Variants in MTRES1 observed in about 807,000 individuals in gnomAD.
MTRES1 encodes uncharacterized protein C6orf203.
A neutral mutation model predicts 17.4 loss-of-function variants in MTRES1; 11 were observed. The ratio of observed to expected loss-of-function variants is 0.63; its 90% confidence interval spans 0.40 to 1.05. MTRES1 has a LOEUF of 1.05. Among genes scored for constraint, MTRES1 ranks in the 50% least tolerant of loss-of-function variants. MTRES1 has a pLI of 0.00. For synonymous variants in MTRES1, 94 were observed against 99.6 expected (o/e 0.94, Z 0.34); for missense variants, 268 against 276.2 (o/e 0.97, Z 0.21).
chr6:107,049,247 T>C (rs565396519), intron 3 of MTRES1, among the ~76,000 whole-genome samples: 4 of 152,252 alleles, frequency 2.6e-5, no homozygotes, highest in South Asian at 2.1e-4. Context: ...AGTAGCCTTA[T>C]AAATGGCAAT....
chr6:107,030,148 G>T (rs1773788654), intron 1 of MTRES1: 1 of 718,460 alleles, frequency 1.4e-6, no homozygotes, highest in African/African-American at 1.7e-5. Context: ...TGTTGCTGAA[G>T]CTGAATTTGC....
At chr6:107,032,666 T>C (rs921359984) in intron 1 of MTRES1, among the ~76,000 whole-genome samples, 4 of 151,964 alleles carry the variant, frequency 2.6e-5, no homozygotes, top group Non-Finnish European at 5.9e-5. Flanking sequence ...AGCTGAGCAC[T>C]GCACACCAGC....
chr6:107,036,664 A>G (rs1166553953), intron 1 of MTRES1, among the ~76,000 whole-genome samples: 1 of 152,090 alleles, frequency 6.6e-6, no homozygotes, highest in Non-Finnish European at 1.5e-5. Context: ...TAACACGGTG[A>G]AACCCGTCTC....
At chr6:107,035,672 G>A (rs1416921777) in intron 1 of MTRES1, among the ~76,000 whole-genome samples, 4 of 151,990 alleles carry the variant, frequency 2.6e-5, no homozygotes, top group Non-Finnish European at 4.4e-5. Flanking sequence ...TTTTGAGATG[G>A]AGTTTCGCTC....
chr6:107,028,932 C>G lies in MTRES1; in HGVS notation c.-13+661C>G, dbSNP rs549360575. 31 of 959,340 alleles carry G rather than the reference C, an allele frequency of 3.2e-5. No individual in the cohort carries two copies. The South Asian group carries it at 1.3e-3, about 40-fold the overall frequency. 59.4% of individuals were successfully genotyped at this position (959,340 alleles called of 1,614,324 possible). ...AAAATGAACTTCCATCAGGTCACTT[C>G]CCAGGGTCCATCATTGCGTGTTCTT... On this transcript the variant is annotated intron_variant, in intron 1 of 3. Transcript: ENST00000311381.
chr6:107,048,683 G>T (rs1441649870), intron 3 of MTRES1, among the ~76,000 whole-genome samples: 1 of 150,900 alleles, frequency 6.6e-6, no homozygotes, highest in Non-Finnish European at 1.5e-5. Context: ...GGGAGGCTGA[G>T]GCAGGAGAAT....
intron 1 of MTRES1, among the ~76,000 whole-genome samples, chr6:107,029,251 G>A (rs1412845460): frequency 6.7e-6 from 1 of 149,996 alleles, no homozygotes; most frequent in Non-Finnish European, 1.5e-5. Flanking sequence ...GCAGTGGCGC[G>A]ATCTCTGCTC....
At chr6:107,041,173 C>A (rs773717010) in intron 2 of MTRES1, among the ~76,000 whole-genome samples, 2 of 149,352 alleles carry the variant, frequency 1.3e-5, no homozygotes, top group Non-Finnish European at 3.0e-5. Context: ...TGCAGTGAGC[C>A]GAGATCACGC....
intron 1 of MTRES1, among the ~76,000 whole-genome samples, chr6:107,031,608 AT>A (rs34148089): frequency 4.5e-4 from 64 of 143,068 alleles, no homozygotes; most frequent in African/African-American, 7.7e-4. Flanking sequence ...GTGCCCAGCT[AT>A]TTTTTTTTTT....
intron 2 of MTRES1, 53 bp downstream of exon 2, chr6:107,040,283 A>G (rs184796528): frequency 6.8e-7 from 1 of 1,478,184 alleles, no homozygotes; most frequent in East Asian, 2.3e-5. Context: ...TGTTATTTTA[A>G]TATAGCATTA....
At chr6:107,036,727 C>T (rs922146215) in intron 1 of MTRES1, among the ~76,000 whole-genome samples, 12 of 151,836 alleles carry the variant, frequency 7.9e-5, no homozygotes, top group Admixed American at 4.6e-4. Context: ...CCTGTAGTCC[C>T]AGCTACTCGG....
rs1554227543 is a variant in MTRES1 at position 107,040,225 on chromosome 6, G to A, written c.465G>A (p.Gly155=). Residue 155 remains glycine (G), a synonymous_variant, in exon 2 of 4, where the codon GGG becomes GGA. Coordinates refer to ENST00000311381, the MANE Select transcript of MTRES1 (RefSeq NM_016487.5). ...DVVLKTGLDI[G]RNKVEDAFYK... ...TCCTGAAGACGGGGCTAGATATTGG[G>A]AGAAAGTGAGTATGATACGCATTTC... The A allele has an allele frequency of 1.3e-6, 2 of 1,585,204 alleles. No individual in the cohort carries two copies. Among genetic ancestry groups the A allele is most frequent in the African/African-American group, 1.4e-5 (1 of 73,188 alleles).
intron 1 of MTRES1, among the ~76,000 whole-genome samples, chr6:107,035,398 G>T (rs111971532): frequency 0.027 from 4,040 of 151,978 alleles, 199 homozygotes; most frequent in African/African-American, 0.094. Flanking sequence ...CAAAGTGCTG[G>T]GATTACAGGC....
intron 3 of MTRES1, 122 bp downstream of exon 3, chr6:107,044,454 C>G: frequency 2.3e-5 from 17 of 730,818 alleles, no homozygotes; most frequent in Non-Finnish European, 7.2e-6. Flanking sequence ...CCTTTGTGGT[C>G]CTCCACGTCA....
intron 2 of MTRES1, among the ~76,000 whole-genome samples, chr6:107,041,077 T>C (rs1774192166): frequency 6.7e-6 from 1 of 149,618 alleles, no homozygotes; most frequent in Non-Finnish European, 1.5e-5. Flanking sequence ...ATACAAAAAA[T>C]TAGCCAGGCG....
intron 2 of MTRES1, among the ~76,000 whole-genome samples, chr6:107,043,955 T>C (rs181452921): frequency 7.2e-5 from 11 of 152,298 alleles, no homozygotes; most frequent in East Asian, 1.9e-4. Context: ...AGTGAAACCC[T>C]GTCTCTACTA....
At chr6:107,045,741 G>T (rs1490921418) in intron 3 of MTRES1, among the ~76,000 whole-genome samples, 1 of 152,086 alleles carries the variant, frequency 6.6e-6, no homozygotes. Context: ...CCCTTAAAAA[G>T]TGTGGAAGAC....
intron 2 of MTRES1, among the ~76,000 whole-genome samples, chr6:107,041,667 A>G (rs112344409): frequency 0.037 from 5,591 of 152,014 alleles, 349 homozygotes; most frequent in African/African-American, 0.13. Context: ...TTGGGAATAC[A>G]GGCGCCCACC....
intron 1 of MTRES1, among the ~76,000 whole-genome samples, chr6:107,034,242 A>G (rs1773933999): frequency 6.6e-6 from 1 of 152,196 alleles, no homozygotes; most frequent in Non-Finnish European, 1.5e-5. Flanking sequence ...AAGTCAGGAA[A>G]AGAGTGTAAA....
Sources: gnomAD v4.1 joint callset for allele counts (sites outside exome capture counted in the v4.1 genomes callset) on GRCh38, gnomAD v4.1.1 for gene constraint, MANE v1.5 for transcripts, NCBI Gene and HGNC (gene_info 2026-07-23, HGNC 2026-07-21) for gene names.